The following CADM2 variants were observed in gnomAD, a reference collection of about 807,000 sequenced individuals.
The protein encoded by CADM2 is cell adhesion molecule 2, also known as immunoglobulin superfamily member 4D.
CADM2 carries 12 observed loss-of-function variants against 49.8 expected under a neutral mutation model. The observed-to-expected ratio is 0.24, with a 90% confidence interval of 0.15 to 0.39. CADM2 has a LOEUF of 0.39. Among genes scored for constraint, CADM2 ranks in the 10% least tolerant of loss-of-function variants. The probability of loss-of-function intolerance (pLI) is 1.00; values close to 1 mark genes in which losing one functional copy is unlikely to be tolerated. For missense variants in CADM2, 378 were observed against 492.3 expected (o/e 0.77, Z 2.20); for synonymous variants, 214 against 175.4 (o/e 1.22, Z -1.74).
At chr3:85,393,667 A>G (rs980556358) in intron 1 of CADM2, among the ~76,000 whole-genome samples, 3 of 152,166 alleles carry the variant, frequency 2.0e-5, no homozygotes, top group African/African-American at 7.2e-5. Flanking sequence ...ACTTGTCTTT[A>G]AAGTGCTTCT....
At chr3:85,843,485 A>G (rs1407042257) in intron 3 of CADM2, among the ~76,000 whole-genome samples, 2 of 151,990 alleles carry the variant, frequency 1.3e-5, no homozygotes, top group Admixed American at 6.6e-5. Flanking sequence ...TTAACTACAT[A>G]TTTCAAACTT....
intron 7 of CADM2, among the ~76,000 whole-genome samples, chr3:85,958,496 C>G (rs1724346645): frequency 1.3e-5 from 2 of 151,816 alleles, no homozygotes; most frequent in Admixed American, 1.3e-4. Context: ...ACACAAATTC[C>G]TCAAGGATCT....
chr3:85,321,172 A>G (rs1485490424), intron 1 of CADM2, among the ~76,000 whole-genome samples: 2 of 68,846 alleles, frequency 2.9e-5, no homozygotes, highest in African/African-American at 4.7e-5. Flanking sequence ...TTTTTGCGAG[A>G]GAGAGAAAGA....
At chr3:85,070,294 C>G (rs1478410773) in intron 1 of CADM2, among the ~76,000 whole-genome samples, 1 of 152,030 alleles carries the variant, frequency 6.6e-6, no homozygotes, top group East Asian at 1.9e-4. Context: ...GAAATGTGAA[C>G]AAACTAGAGA....
At chr3:85,687,703 G>A (rs946594781) in intron 1 of CADM2, among the ~76,000 whole-genome samples, 2 of 152,152 alleles carry the variant, frequency 1.3e-5, no homozygotes, top group Admixed American at 1.3e-4. Flanking sequence ...ATGCAAACAT[G>A]AGATTGAAAT....
chr3:86,006,675 G>A (rs945582435), intron 8 of CADM2, among the ~76,000 whole-genome samples: 1 of 152,146 alleles, frequency 6.6e-6, no homozygotes, highest in Non-Finnish European at 1.5e-5. Context: ...GACATGAGTA[G>A]GGTGTTTTGA....
At position 85,212,812 on chromosome 3, in the gene CADM2, C is replaced by CTCTTTCTTTCTTTCCT. The variant is rs1559723534; in HGVS notation, c.61+253158_61+253159insCTTCTTTCTTTCTTTC. The stretch of plus-strand genomic sequence containing the variant: ...CTTCAGATATTTTCTTCTTTTTCTT[C>CTCTTTCTTTCTTTCCT]TCTTTCTTTCTTTCTTTCTTTCTTT... On this transcript the variant is annotated intron_variant, in intron 1 of 9. Coordinates refer to ENST00000383699, the MANE Select transcript of CADM2 (RefSeq NM_001167675.2). 1.9e-4 allele frequency among the ~76,000 whole-genome samples: 20 copies of CTCTTTCTTTCTTTCCT among 102,642 alleles called. 6 individuals carry two copies. Among genetic ancestry groups the CTCTTTCTTTCTTTCCT allele is most frequent in the South Asian group, 7.5e-4 (2 of 2,668 alleles). The allele number at this position is 102,642 out of a possible 152,430, so 67.3% of individuals were successfully genotyped here.
chr3:85,107,223 A>G (rs1428809967), intron 1 of CADM2, among the ~76,000 whole-genome samples: 4 of 152,178 alleles, frequency 2.6e-5, no homozygotes, highest in Non-Finnish European at 5.9e-5. Flanking sequence ...GGGAGGGTTT[A>G]GAAAAGTTGA....
At chr3:85,464,811 T>C (rs369412447) in intron 1 of CADM2, among the ~76,000 whole-genome samples, 4 of 152,316 alleles carry the variant, frequency 2.6e-5, no homozygotes, top group East Asian at 1.9e-4. Context: ...TGTCTTACAG[T>C]AATATTCTCT....
chr3:85,794,516 G>A (rs193243268), intron 2 of CADM2, among the ~76,000 whole-genome samples: 11 of 152,268 alleles, frequency 7.2e-5, no homozygotes, highest in Admixed American at 6.5e-4. Context: ...AACACTAGAA[G>A]GAGAGGAAGA....
intron 5 of CADM2, among the ~76,000 whole-genome samples, chr3:85,908,250 T>TC (rs1717067139): frequency 1.1e-5 from 1 of 92,862 alleles, no homozygotes; most frequent in Non-Finnish European, 2.2e-5. Context: ...CTTTTTTTTT[T>TC]CTTCTTTTTT....
intron 1 of CADM2, among the ~76,000 whole-genome samples, chr3:85,325,143 T>G (rs1245649111): frequency 6.6e-6 from 1 of 152,226 alleles, no homozygotes; most frequent in Admixed American, 6.5e-5. Flanking sequence ...TTTTGAATCA[T>G]GGTTACCTGC....
intron 5 of CADM2, among the ~76,000 whole-genome samples, chr3:85,899,573 T>C (rs1715816577): frequency 6.6e-6 from 1 of 152,336 alleles, no homozygotes; most frequent in East Asian, 1.9e-4. Flanking sequence ...TTTATTGTTG[T>C]ATATTTTCAT....
chr3:84,998,311 A>G (rs1464364460), intron 1 of CADM2, among the ~76,000 whole-genome samples: 1 of 152,164 alleles, frequency 6.6e-6, no homozygotes, highest in Non-Finnish European at 1.5e-5. Context: ...TTAAACCACT[A>G]GTTTAAATTC....
At chr3:85,342,364 A>C (rs1287938084) in intron 1 of CADM2, among the ~76,000 whole-genome samples, 1 of 152,078 alleles carries the variant, frequency 6.6e-6, no homozygotes, top group African/African-American at 2.4e-5. Context: ...TTTAGTAGGA[A>C]AATTACTTCT....
chr3:85,729,796 A>G (rs2067854547), intron 2 of CADM2, among the ~76,000 whole-genome samples: 1 of 152,196 alleles, frequency 6.6e-6, no homozygotes, highest in South Asian at 2.1e-4. Context: ...TAGAATCAAA[A>G]GAGAAATAAT....
intron 1 of CADM2, among the ~76,000 whole-genome samples, chr3:85,130,067 C>T (rs2039172932): frequency 6.6e-6 from 1 of 152,140 alleles, no homozygotes; most frequent in African/African-American, 2.4e-5. Flanking sequence ...TTAGGAAATA[C>T]ATGTGAATTT....
At chr3:85,656,423 T>G (rs982840243) in intron 1 of CADM2, among the ~76,000 whole-genome samples, 9 of 152,064 alleles carry the variant, frequency 5.9e-5, no homozygotes, top group Non-Finnish European at 1.2e-4. Flanking sequence ...GATACCAGCC[T>G]GGCCAACATG....
chr3:86,014,737 A>G (rs970152617), intron 8 of CADM2: 57 of 1,501,758 alleles, frequency 3.8e-5, no homozygotes, highest in Non-Finnish European at 4.6e-5. Context: ...GACTTACCCA[A>G]TACTGACACG....
Sources: gnomAD v4.1 joint callset for allele counts (sites outside exome capture counted in the v4.1 genomes callset) on GRCh38, gnomAD v4.1.1 for gene constraint, MANE v1.5 for transcripts, NCBI Gene and HGNC (gene_info 2026-07-23, HGNC 2026-07-21) for gene names.